CSMD3: variants seen among roughly 807,000 people sequenced by gnomAD.
CSMD3 encodes the protein CUB and sushi domain-containing protein 3.
Under a neutral mutation model 435.2 loss-of-function variants are expected in CSMD3, and 177 were observed. The ratio of observed to expected loss-of-function variants is 0.41; its 90% CI spans 0.36 to 0.46. The LOEUF is 0.46. Among genes scored for constraint, CSMD3 ranks in the 20% least tolerant of loss-of-function variants. The pLI is 0.34. For missense variants in CSMD3, 4,265 were observed against 4,504.6 expected, an observed-to-expected ratio of 0.95 and a Z score of 1.52; for synonymous variants, 1,656 against 1,520.5, an observed-to-expected ratio of 1.09 and a Z score of -2.07.
In CSMD3 at chr8:112,817,830, G is replaced by T. The variant is rs138444001; in HGVS notation, c.1859+11856C>A. ...ATCTATATGGCAAATTTAGCATGGC[G>T]TATGATGTCCAATTACAATGCTTTC... On this transcript the variant is annotated intron_variant, in intron 12 of 70. Transcript: ENST00000297405. Among the ~76,000 whole-genome samples, 459 of 152,122 alleles carry T rather than the reference G, an allele frequency of 3.0e-3. 4 individuals carry two copies. Among genetic ancestry groups the T allele is most frequent in the Admixed American group, 6.0e-3 (91 of 15,268 alleles).
chr8:112,954,567 T>A (rs918888789), intron 8 of CSMD3, 117 bp downstream of exon 8: 17 of 691,288 alleles, frequency 2.5e-5, no homozygotes, highest in Non-Finnish European at 4.0e-5. Flanking sequence ...TACACAGATA[T>A]TAATGCAGTT....
intron 3 of CSMD3, among the ~76,000 whole-genome samples, chr8:113,242,635 A>T (rs1366721520): frequency 1.3e-5 from 2 of 152,046 alleles, no homozygotes; most frequent in Non-Finnish European, 2.9e-5. Context: ...GGACTTAAAG[A>T]TCCTTTTTAT....
intron 60 of CSMD3, among the ~76,000 whole-genome samples, 169 bp downstream of exon 60, chr8:112,265,242 T>A (rs1748713185): frequency 6.6e-6 from 1 of 151,886 alleles, no homozygotes; most frequent in South Asian, 2.1e-4. Context: ...TATTTTAAAT[T>A]CTATATATTA....
intron 10 of CSMD3, among the ~76,000 whole-genome samples, chr8:112,904,899 T>A (rs1406076722): frequency 6.6e-6 from 1 of 151,440 alleles, no homozygotes; most frequent in Non-Finnish European, 1.5e-5. Flanking sequence ...ACACTGATGT[T>A]GATGTAATTT....
chr8:113,125,021 C>G (rs10505200), intron 4 of CSMD3, among the ~76,000 whole-genome samples: 15,464 of 152,006 alleles, frequency 0.1, 941 homozygotes, highest in Middle Eastern at 0.17. Context: ...TACAAACATA[C>G]TGGAAGGTGT....
chr8:112,473,173 C>A (rs1818696973), intron 31 of CSMD3, among the ~76,000 whole-genome samples: 1 of 152,116 alleles, frequency 6.6e-6, no homozygotes, highest in African/African-American at 2.4e-5. Flanking sequence ...TCTCATCAAT[C>A]TTTATCTGCA....
At chr8:112,455,411 G>A (rs1011207856) in intron 32 of CSMD3, among the ~76,000 whole-genome samples, 4 of 151,974 alleles carry the variant, frequency 2.6e-5, no homozygotes, top group Admixed American at 6.6e-5. Context: ...CAGAAGGATG[G>A]GAACAAAGAG....
chr8:113,123,030 A>G (rs577632611), intron 4 of CSMD3, among the ~76,000 whole-genome samples: 39 of 152,000 alleles, frequency 2.6e-4, no homozygotes, highest in African/African-American at 6.7e-4. Flanking sequence ...ACATTTTACT[A>G]TTAGTAAATA....
At chr8:112,602,566 CAAAAA>C (rs199693088) in intron 22 of CSMD3, among the ~76,000 whole-genome samples, 4 of 125,060 alleles carry the variant, frequency 3.2e-5, no homozygotes, top group East Asian at 5.2e-4. Context: ...AACTCTGTCT[CAAAAA>C]AAAAAAAAAA....
rs561177908 is a variant in CSMD3, at chr8:112,306,138, T to C, written c.7940A>G (p.Asp2647Gly). Reference sequence around the variant, plus strand: ...GGTAACTCGCGTTCCTACCAAATAGTCTGTTGTTAGTATTCCTCCATTTGT... The same window carrying C: ...GGTAACTCGCGTTCCTACCAAATAGCCTGTTGTTAGTATTCCTCCATTTGT... ...APTNGGILTTDYLVGTRVTYF... is the reference protein window; with the variant it reads ...APTNGGILTTGYLVGTRVTYF... Residue 2647 changes from aspartate (D) to glycine (G), a missense_variant, in exon 51 of 71, where the codon GAC becomes GGC. Physicochemically the swap from Asp to Gly is moderately conservative, Grantham distance 94 (BLOSUM62 -1). Around this residue, in one of 3 missense-constraint regions of CSMD3, gnomAD observed 3,255 missense variants for 3,380.2 expected, o/e 0.96. Transcript: ENST00000297405. The C allele has an allele frequency of 6.3e-5, 101 of 1,613,504 alleles. No homozygotes were observed. Among genetic ancestry groups the C allele is most frequent in the Non-Finnish European group, 8.4e-5 (99 of 1,179,686 alleles).
chr8:112,503,783 T>G lies in CSMD3; in HGVS notation c.5083+7A>C, dbSNP rs1312036586. The G allele has an allele frequency of 6.3e-7, 1 of 1,590,356 alleles. No homozygotes were observed. The highest frequency in any genetic ancestry group is 1.1e-5 in the South Asian group (1 of 90,368). On this transcript the variant is annotated splice_region_variant and intron_variant, in intron 30 of 70. Coordinates refer to ENST00000297405, the MANE Select transcript of CSMD3 (RefSeq NM_198123.2). ...TCATGATACTAACATGGAATGTTCA[T>G]ATTTACCTTTGTATTCTAGATGAAA...
At chr8:112,248,336 T>C (rs573609441) in intron 63 of CSMD3, among the ~76,000 whole-genome samples, 1 of 152,228 alleles carries the variant, frequency 6.6e-6, no homozygotes, top group Non-Finnish European at 1.5e-5. Context: ...CAGGATATGG[T>C]ATTTAGAAGA....
chr8:113,367,415 T>G (rs2094319441), intron 1 of CSMD3, among the ~76,000 whole-genome samples: 1 of 152,062 alleles, frequency 6.6e-6, no homozygotes, highest in Non-Finnish European at 1.5e-5. Context: ...ATTTATAAGT[T>G]ATAAATTTAT....
chr8:112,668,476 A>G (rs978971563), intron 16 of CSMD3, among the ~76,000 whole-genome samples: 12 of 152,140 alleles, frequency 7.9e-5, no homozygotes, highest in African/African-American at 2.9e-4. Flanking sequence ...GAAATGGGCC[A>G]TAAAGAATTA....
chr8:112,892,391 A>T (rs184990443), intron 10 of CSMD3, among the ~76,000 whole-genome samples: 12 of 151,710 alleles, frequency 7.9e-5, no homozygotes, highest in Admixed American at 7.9e-4. Flanking sequence ...GAAACTGAAC[A>T]TTAATGAATC....
chr8:112,981,812 T>C (rs1304840108), intron 6 of CSMD3, among the ~76,000 whole-genome samples: 1 of 151,762 alleles, frequency 6.6e-6, no homozygotes, highest in African/African-American at 2.4e-5. Flanking sequence ...TACCTTTTTA[T>C]ATGAAATATG....
chr8:112,476,969 C>A (rs1388639081), intron 31 of CSMD3, among the ~76,000 whole-genome samples: 2 of 152,118 alleles, frequency 1.3e-5, no homozygotes, highest in East Asian at 3.9e-4. Flanking sequence ...TATCATATTT[C>A]TCTTCTCTTC....
chr8:112,834,179 TACTA>T (rs2079957879), intron 11 of CSMD3, among the ~76,000 whole-genome samples: 1 of 151,954 alleles, frequency 6.6e-6, no homozygotes, highest in African/African-American at 2.4e-5. Context: ...ATGAATTAAT[TACTA>T]ACTAATCCAT....
chr8:112,593,565 G>A (rs1272050824), intron 22 of CSMD3, among the ~76,000 whole-genome samples: 1 of 152,126 alleles, frequency 6.6e-6, no homozygotes, highest in Non-Finnish European at 1.5e-5. Flanking sequence ...TTGTACCCAT[G>A]AGATTGATCT....
Sources: allele counts gnomAD v4.1 joint callset (sites outside exome capture counted in the v4.1 genomes callset), GRCh38; gene constraint gnomAD v4.1.1; regional missense constraint gnomAD v4.1.1; transcripts MANE v1.5; gene names NCBI Gene and HGNC (gene_info 2026-07-23, HGNC 2026-07-21).